DOK5: variants seen among roughly 807,000 people sequenced by gnomAD.
The protein encoded by DOK5 is docking protein 5, also known as downstream of tyrosine kinase 5.
Under a neutral mutation model 43.3 loss-of-function variants are expected in DOK5, and 27 were observed. The ratio of observed to expected loss-of-function variants is 0.62; its 90% CI spans 0.46 to 0.86. The LOEUF is 0.86. Among genes scored for constraint, DOK5 ranks in the 40% least tolerant of loss-of-function variants. The pLI is 0.00. For missense variants in DOK5, 373 were observed against 392.9 expected (o/e 0.95, Z 0.43); for synonymous variants, 146 against 140.1 (o/e 1.04, Z -0.30).
intron 5 of DOK5, among the ~76,000 whole-genome samples, chr20:54,601,293 GT>G (rs2146782008): frequency 6.6e-6 from 1 of 152,330 alleles, no homozygotes; most frequent in Non-Finnish European, 1.5e-5. Context: ...TTGTGTTTGA[GT>G]TTAGAACTGT....
intron 1 of DOK5, among the ~76,000 whole-genome samples, chr20:54,489,012 A>G (rs1486799073): frequency 1.3e-5 from 2 of 152,150 alleles, no homozygotes; most frequent in African/African-American, 4.8e-5. Context: ...TTCCTGTCAG[A>G]AGAATGGAAT....
chr20:54,569,864 C>T (rs894043133), intron 2 of DOK5, among the ~76,000 whole-genome samples: 7 of 152,126 alleles, frequency 4.6e-5, no homozygotes, highest in African/African-American at 1.7e-4. Context: ...TGACCTAGGG[C>T]ATGTAGATAT....
At chr20:54,533,909 T>G (rs1983864388) in intron 1 of DOK5, among the ~76,000 whole-genome samples, 1 of 152,208 alleles carries the variant, frequency 6.6e-6, no homozygotes, top group African/African-American at 2.4e-5. Context: ...TGCTGATCAT[T>G]TTTTTCAGCT....
intron 2 of DOK5, among the ~76,000 whole-genome samples, chr20:54,558,534 T>C (rs943704036): frequency 2.6e-5 from 4 of 152,100 alleles, no homozygotes; most frequent in Non-Finnish European, 5.9e-5. Context: ...AAAGCTGGAG[T>C]AATTCTGAGA....
chr20:54,568,845 GCC>G (rs1191528973), intron 2 of DOK5, among the ~76,000 whole-genome samples: 90 of 151,902 alleles, frequency 5.9e-4, no homozygotes, highest in African/African-American at 5.1e-4. Flanking sequence ...CAGGAGAATG[GCC>G]CGTGAACCCG....
rs376328075 is a variant in DOK5, at chr20:54,607,641, C to G, written c.600-2747C>G. ...GTGACTCATGCCTGTAATCCCAGCA[C>G]TTTGGGAGGCAGAGGTGGGCAGATC... On this transcript the variant is annotated intron_variant, in intron 5 of 7. Coordinates refer to ENST00000262593, the MANE Select transcript of DOK5 (RefSeq NM_018431.5). 5.3e-5 allele frequency among the ~76,000 whole-genome samples: 8 copies of G among 151,620 alleles called. No individual in the cohort carries two copies. The East Asian group carries it at 1.6e-3, about 30-fold the overall frequency.
chr20:54,641,524 A>G (rs4302265), intron 6 of DOK5, among the ~76,000 whole-genome samples: 122,320 of 150,646 alleles, frequency 0.81, 49,824 homozygotes, highest in East Asian at 1. Flanking sequence ...TAACATGGGC[A>G]TTGCAATTTC....
At chr20:54,534,390 T>A (rs112449526) in intron 1 of DOK5, among the ~76,000 whole-genome samples, 3,289 of 152,316 alleles carry the variant, frequency 0.022, 44 homozygotes, top group Middle Eastern at 0.071. Flanking sequence ...GGTTTTGCCC[T>A]GTTGTCCAGG....
chr20:54,627,311 G>A (rs915170842), intron 6 of DOK5, among the ~76,000 whole-genome samples: 5 of 152,146 alleles, frequency 3.3e-5, no homozygotes, highest in African/African-American at 1.2e-4. Context: ...TTCTAAACTC[G>A]GGAGTAGGAT....
intron 5 of DOK5, among the ~76,000 whole-genome samples, chr20:54,608,921 C>A (rs1010103116): frequency 6.6e-6 from 1 of 152,086 alleles, no homozygotes; most frequent in Non-Finnish European, 1.5e-5. Flanking sequence ...ATCATCCGCC[C>A]ACCTTGGCCT....
At chr20:54,509,228 G>A in intron 1 of DOK5, among the ~76,000 whole-genome samples, 1 of 152,108 alleles carries the variant, frequency 6.6e-6, no homozygotes, top group African/African-American at 2.4e-5. Context: ...GTCTTGTGCT[G>A]TCACCCAGCA....
intron 2 of DOK5, among the ~76,000 whole-genome samples, chr20:54,571,817 C>T (rs181021152): frequency 2.2e-4 from 33 of 152,260 alleles, no homozygotes; most frequent in East Asian, 1.5e-3. Flanking sequence ...AGCTCTGGTC[C>T]GTCTGCTCCA....
intron 2 of DOK5, among the ~76,000 whole-genome samples, chr20:54,561,904 A>G (rs1322697496): frequency 8.6e-5 from 13 of 152,044 alleles, no homozygotes; most frequent in Admixed American, 8.5e-4. Context: ...TGATCCGCCC[A>G]CCTCGGCCTT....
intron 5 of DOK5, among the ~76,000 whole-genome samples, chr20:54,607,223 C>T (rs536525452): frequency 1.1e-3 from 174 of 152,306 alleles, no homozygotes; most frequent in South Asian, 5.0e-3. Context: ...CCCACATAGA[C>T]TCCTGTCTAG....
intron 6 of DOK5, among the ~76,000 whole-genome samples, chr20:54,611,708 A>T (rs961158368): frequency 2.6e-5 from 4 of 152,242 alleles, no homozygotes; most frequent in Non-Finnish European, 4.4e-5. Flanking sequence ...ATAGAGCTTC[A>T]CATCTGGAAG....
chr20:54,513,685 T>A (rs1983094398), intron 1 of DOK5, among the ~76,000 whole-genome samples: 1 of 152,196 alleles, frequency 6.6e-6, no homozygotes, highest in South Asian at 2.1e-4. Context: ...GTGCATTGGC[T>A]AATTAATAGT....
chr20:54,523,329 G>A (rs1335449369), intron 1 of DOK5, among the ~76,000 whole-genome samples: 2 of 152,152 alleles, frequency 1.3e-5, no homozygotes, highest in Non-Finnish European at 2.9e-5. Context: ...CACTTTGGGA[G>A]GCCAAGGTGG....
intron 2 of DOK5, among the ~76,000 whole-genome samples, chr20:54,564,351 A>G (rs901106956): frequency 4.6e-5 from 7 of 152,192 alleles, no homozygotes; most frequent in Non-Finnish European, 7.3e-5. Flanking sequence ...GAATGGCATG[A>G]ACCTGGGACG....
Position 54,615,747 on chromosome 20 carries a change from T to C in DOK5, c.735+5224T>C, listed in dbSNP as rs188873765. On this transcript the variant is annotated intron_variant, in intron 6 of 7. Transcript: ENST00000262593. ...CAACATGGTGAAACCCTGTCTCTACTAAAAATACAAAAATTAGCTGGGCGT... is the reference window on the plus strand; with the variant it reads ...CAACATGGTGAAACCCTGTCTCTACCAAAAATACAAAAATTAGCTGGGCGT... Among the ~76,000 whole-genome samples the C allele has an allele frequency of 5.3e-5, 8 of 152,162 alleles. No homozygotes were observed. In the East Asian group the frequency reaches 1.5e-3, roughly 29 times the overall value.
Sources: allele counts gnomAD v4.1 joint callset (sites outside exome capture counted in the v4.1 genomes callset), GRCh38; gene constraint gnomAD v4.1.1; transcripts MANE v1.5; gene names NCBI Gene and HGNC (gene_info 2026-07-23, HGNC 2026-07-21).